UBL3: variants seen among roughly 807,000 people sequenced by gnomAD.
The protein encoded by UBL3 is ubiquitin-like protein 3.
UBL3 carries 6 observed loss-of-function variants against 18.4 expected under a neutral mutation model. That is an observed-to-expected ratio of 0.33 (90% confidence interval 0.18 to 0.64). UBL3 has a LOEUF of 0.64. Among genes scored for constraint, UBL3 ranks in the 30% least tolerant of loss-of-function variants. UBL3 has a pLI of 0.76. For missense variants in UBL3, 109 were observed against 142.9 expected (o/e 0.76, Z 1.21); for synonymous variants, 49 against 46.6 (o/e 1.05, Z -0.21).
chr13:29,806,111 AG>A (rs1293756663), intron 1 of UBL3, among the ~76,000 whole-genome samples: 1 of 152,236 alleles, frequency 6.6e-6, no homozygotes, highest in Non-Finnish European at 1.5e-5. Flanking sequence ...CACGAGGCAG[AG>A]GTTGCAGTGA....
chr13:29,785,606 G>A (rs1877293623), intron 1 of UBL3, among the ~76,000 whole-genome samples: 1 of 152,018 alleles, frequency 6.6e-6, no homozygotes, highest in Non-Finnish European at 1.5e-5. Context: ...CAAAGAATGA[G>A]GAAGCGATAT....
intron 1 of UBL3, among the ~76,000 whole-genome samples, chr13:29,808,304 T>C (rs573728144): frequency 6.6e-6 from 1 of 151,506 alleles, no homozygotes; most frequent in Admixed American, 6.6e-5. Flanking sequence ...AGTGCATATA[T>C]GACCATTTAA....
At chr13:29,836,768 GA>G (rs1470295115) in intron 1 of UBL3, among the ~76,000 whole-genome samples, 1 of 152,178 alleles carries the variant, frequency 6.6e-6, no homozygotes, top group African/African-American at 2.4e-5. Flanking sequence ...GAACCTCAAA[GA>G]AAGGGGCCCA....
chr13:29,800,805 T>C (rs551432233), intron 1 of UBL3, among the ~76,000 whole-genome samples: 1 of 152,314 alleles, frequency 6.6e-6, no homozygotes, highest in Non-Finnish European at 1.5e-5. Flanking sequence ...CTCCCTGGGA[T>C]GGATCTCCCA....
chr13:29,788,844 T>TGTGC (rs1209815691), intron 1 of UBL3, among the ~76,000 whole-genome samples: 15 of 12,632 alleles, frequency 1.2e-3, no homozygotes, highest in African/African-American at 3.1e-3. Context: ...GGGAAGTGTG[T>TGTGC]GTGTGTGTGT....
At chr13:29,777,496 G>C in intron 1 of UBL3, 1 of 623,818 alleles carries the variant, frequency 1.6e-6, no homozygotes, top group Middle Eastern at 2.7e-4. Context: ...CATAATAAAT[G>C]AACAAAGGAA....
At chr13:29,842,546 G>A (rs1246025050) in intron 1 of UBL3, among the ~76,000 whole-genome samples, 1 of 152,124 alleles carries the variant, frequency 6.6e-6, no homozygotes, top group African/African-American at 2.4e-5. Flanking sequence ...TTTCACCACA[G>A]ATGCATTCCT....
intron 1 of UBL3, among the ~76,000 whole-genome samples, chr13:29,816,597 A>G (rs944755965): frequency 2.0e-5 from 3 of 149,596 alleles, no homozygotes; most frequent in Non-Finnish European, 4.5e-5. Flanking sequence ...TGTATCTACA[A>G]AAAAAAAAAT....
At chr13:29,783,932 A>C (rs1734985524) in intron 1 of UBL3, among the ~76,000 whole-genome samples, 1 of 152,188 alleles carries the variant, frequency 6.6e-6, no homozygotes, top group Admixed American at 6.5e-5. Context: ...TTATGTAGTA[A>C]AGTTCCTAAG....
At chr13:29,767,931 GA>G (rs1321212617) in intron 3 of UBL3, among the ~76,000 whole-genome samples, 10 of 151,990 alleles carry the variant, frequency 6.6e-5, no homozygotes, top group Non-Finnish European at 1.3e-4. Flanking sequence ...TCCATATTAA[GA>G]GATGATATAA....
intron 1 of UBL3, among the ~76,000 whole-genome samples, chr13:29,798,088 C>T (rs186804358): frequency 2.2e-4 from 34 of 151,868 alleles, no homozygotes; most frequent in African/African-American, 8.0e-4. Context: ...TGCAGTGACA[C>T]GATCTTGGCT....
chr13:29,835,132 ATATATATATATAT>A (rs1878911961), intron 1 of UBL3, among the ~76,000 whole-genome samples: 1 of 5,956 alleles, frequency 1.7e-4, no homozygotes, highest in African/African-American at 7.9e-4. Flanking sequence ...ATAAATATAT[ATATATATATATAT>A]ATATATATAT....
At chr13:29,792,410 A>AAAAT (rs1055286227) in intron 1 of UBL3, among the ~76,000 whole-genome samples, 6 of 152,248 alleles carry the variant, frequency 3.9e-5, no homozygotes, top group African/African-American at 7.2e-5. Flanking sequence ...GAAAAAAATA[A>AAAAT]AAATAAATAA....
chr13:29,840,392 C>T (rs1461592522), intron 1 of UBL3, among the ~76,000 whole-genome samples: 1 of 152,180 alleles, frequency 6.6e-6, no homozygotes, highest in East Asian at 1.9e-4. Flanking sequence ...CCAGTGAATT[C>T]TTTCAAACAT....
At position 29,850,311 on chromosome 13, in the gene UBL3, G is replaced by C. The variant is rs931603903; in HGVS notation, c.-773C>G. ...TCCGGACAGCAGCTGGGGTCGGGGC[G>C]CATCGTCTCCGGCTCCTCGCCACTC... On this transcript the variant is annotated 5_prime_UTR_variant, in exon 1 of 5. Coordinates refer to ENST00000380680, the MANE Select transcript of UBL3 (RefSeq NM_007106.4). 6.5e-6 allele frequency: 1 copy of C among 153,214 alleles called. No individual in the cohort carries two copies. The highest frequency in any genetic ancestry group is 1.5e-5 in the Non-Finnish European group (1 of 68,382). 9.5% of individuals were successfully genotyped at this position (153,214 alleles called of 1,614,324 possible). A position where few individuals can be genotyped will look rare whatever the true frequency, so the allele number is the denominator to read the frequency against.
At chr13:29,802,208 C>T (rs1456381300) in intron 1 of UBL3, among the ~76,000 whole-genome samples, 1 of 152,160 alleles carries the variant, frequency 6.6e-6, no homozygotes, top group Non-Finnish European at 1.5e-5. Context: ...GCTAATACAC[C>T]CTGCTGTGAA....
rs563478523 is a variant in UBL3 at position 29,771,310 on chromosome 13, T to G, written c.223+802A>C. On this transcript the variant is annotated intron_variant, in intron 3 of 4. Transcript: ENST00000380680. Reference sequence around the variant, plus strand: ...ATTATCTGAATATATTTGAAATACCTATTTTCAAAACTACCATCAAATCCT... The same window carrying G: ...ATTATCTGAATATATTTGAAATACCGATTTTCAAAACTACCATCAAATCCT... Among the ~76,000 whole-genome samples, 4 of 152,174 alleles carry G rather than the reference T, an allele frequency of 2.6e-5. No homozygotes were observed. In the East Asian group the frequency reaches 7.7e-4, roughly 29 times the overall value.
intron 3 of UBL3, among the ~76,000 whole-genome samples, chr13:29,768,225 C>A (rs1292111462): frequency 6.6e-6 from 1 of 152,062 alleles, no homozygotes; most frequent in Admixed American, 6.6e-5. Flanking sequence ...AAAATAATCA[C>A]TTTCTTGGCA....
intron 1 of UBL3, among the ~76,000 whole-genome samples, chr13:29,817,557 T>A (rs963040560): frequency 1.3e-5 from 2 of 152,162 alleles, no homozygotes; most frequent in African/African-American, 4.8e-5. Context: ...CTGAAATGTA[T>A]TAGAAAGGAA....
Sources: allele counts gnomAD v4.1 joint callset (sites outside exome capture counted in the v4.1 genomes callset), GRCh38; gene constraint gnomAD v4.1.1; transcripts MANE v1.5; gene names NCBI Gene and HGNC (gene_info 2026-07-23, HGNC 2026-07-21).